The following SERPINE3 variants were observed in gnomAD, a reference collection of about 807,000 sequenced individuals.
The protein encoded by SERPINE3 is serpin E3.
A neutral mutation model predicts 41.7 loss-of-function variants in SERPINE3; 43 were observed. The ratio of observed to expected loss-of-function variants is 1.03; its 90% confidence interval spans 0.81 to 1.33. The LOEUF (loss-of-function observed/expected upper bound fraction) is 1.33, where lower values mean the gene tolerates loss of function less well. Among genes scored for constraint, SERPINE3 ranks in the 40% most tolerant of loss-of-function variants. SERPINE3 has a pLI of 0.00. For missense variants in SERPINE3, 440 were observed against 491.7 expected, an observed-to-expected ratio of 0.89 and a Z score of 0.99; for synonymous variants, 200 against 192.2, an observed-to-expected ratio of 1.04 and a Z score of -0.34.
At chr13:51,345,630 T>C in intron 4 of SERPINE3, among the ~76,000 whole-genome samples, 1 of 142,064 alleles carries the variant, frequency 7.0e-6, no homozygotes, top group African/African-American at 2.6e-5. Flanking sequence ...GAATAGGAAG[T>C]GATATGTATA....
intron 5 of SERPINE3, 63 bp downstream of exon 5, chr13:51,347,297 G>C (rs1258459411): frequency 1.4e-6 from 2 of 1,405,024 alleles, no homozygotes; most frequent in Non-Finnish European, 2.0e-6. Flanking sequence ...GGGCAGGAGA[G>C]AGGAGGCCAG....
Position 51,348,229 on chromosome 13 carries a change from T to C in SERPINE3, c.717T>C (p.Thr239=). The C allele has an allele frequency of 6.3e-7, 1 of 1,593,614 alleles. No homozygotes were observed. The highest frequency in any genetic ancestry group is 8.5e-7 in the Non-Finnish European group (1 of 1,169,778). ...TEVNYGQFQD[T]AGHQVGVLEL... The stretch of plus-strand genomic sequence containing the variant: ...TACCCTCAGGTCAGTTCCAGGACAC[T>C]GCAGGCCATCAGGTGGGGGTGCTGG... The change falls in exon 6 of 10, where the codon ACT becomes ACC. Residue 239 remains threonine (T), a synonymous_variant. Coordinates refer to ENST00000681248, the MANE Select transcript of SERPINE3 (RefSeq NM_001386375.1).
intron 5 of SERPINE3, among the ~76,000 whole-genome samples, chr13:51,347,929 C>T (rs1401358033): frequency 2.6e-5 from 4 of 151,106 alleles, no homozygotes; most frequent in Admixed American, 2.6e-4. Context: ...GGGGGCACTA[C>T]TCTATGTGGT....
chr13:51,346,480 G>A (rs1036836607), intron 4 of SERPINE3, among the ~76,000 whole-genome samples: 2 of 152,184 alleles, frequency 1.3e-5, no homozygotes, highest in Non-Finnish European at 2.9e-5. Context: ...AAAAAGCAGG[G>A]TCTTCAGCAA....
chr13:51,341,027 C>G, intron 2 of SERPINE3, 48 bp from the exon 3 acceptor site: 1 of 1,570,828 alleles, frequency 6.4e-7, no homozygotes, highest in South Asian at 1.2e-5. Context: ...GGCCCTCTTT[C>G]ATCACCAGCT....
At chr13:51,360,192 A>C (rs1293133385) in intron 7 of SERPINE3, among the ~76,000 whole-genome samples, 2 of 152,084 alleles carry the variant, frequency 1.3e-5, no homozygotes, top group Non-Finnish European at 2.9e-5. Flanking sequence ...GTCTAAGATG[A>C]AACAAAGCTC....
chr13:51,346,906 AAGCAAAAAGACCTGC>A (rs1257745542), intron 4 of SERPINE3, 104 bp from the exon 5 acceptor site: 1 of 686,108 alleles, frequency 1.5e-6, no homozygotes, highest in African/African-American at 1.8e-5. Context: ...AGACCACCTT[AAGCAAAAAGACCTGC>A]ATTTTCGCAT....
chr13:51,350,328 C>T (rs1232008287), intron 6 of SERPINE3, among the ~76,000 whole-genome samples: 1 of 152,002 alleles, frequency 6.6e-6, no homozygotes, highest in African/African-American at 2.4e-5. Context: ...ATGAGGGACG[C>T]TTAGCATACT....
chr13:51,348,574 T>C (rs1439636550), intron 6 of SERPINE3, 163 bp downstream of exon 6: 4 of 608,770 alleles, frequency 6.6e-6, no homozygotes, highest in Non-Finnish European at 1.2e-5. Context: ...ACCCTAGAGT[T>C]TGAGTTCATT....
chr13:51,344,819 T>A (rs1405666762), intron 4 of SERPINE3, among the ~76,000 whole-genome samples: 3 of 152,214 alleles, frequency 2.0e-5, no homozygotes, highest in Non-Finnish European at 2.9e-5. Context: ...GTCCCCCGAC[T>A]GAGCTCTGCT....
chr13:51,356,560 C>T (rs2137810446), intron 7 of SERPINE3, among the ~76,000 whole-genome samples: 1 of 152,196 alleles, frequency 6.6e-6, no homozygotes, highest in East Asian at 1.9e-4. Context: ...TTCCGTGAAT[C>T]ACTAGGGCTT....
At chr13:51,348,129 G>A (rs1009375815) in intron 5 of SERPINE3, 84 bp from the exon 6 acceptor site, 45 of 1,083,188 alleles carry the variant, frequency 4.2e-5, no homozygotes, top group Middle Eastern at 2.2e-4. Flanking sequence ...CCAGTCCTCT[G>A]AGCCAGCCTC....
chr13:51,353,591 G>A (rs1405073377), intron 6 of SERPINE3, among the ~76,000 whole-genome samples: 1 of 152,152 alleles, frequency 6.6e-6, no homozygotes, highest in Non-Finnish European at 1.5e-5. Context: ...TTTTCAAAAA[G>A]GATGTGTTTT....
intron 5 of SERPINE3, among the ~76,000 whole-genome samples, chr13:51,347,954 C>T (rs528449991): frequency 4.3e-4 from 60 of 138,526 alleles, no homozygotes; most frequent in African/African-American, 1.4e-3. Flanking sequence ...CATGTGCCAT[C>T]GTCCCCCCCC....
At chr13:51,350,509 A>ATATATATATATATTTTAAGAAG (rs1955394037) in intron 6 of SERPINE3, among the ~76,000 whole-genome samples, 1 of 152,176 alleles carries the variant, frequency 6.6e-6, no homozygotes, top group Non-Finnish European at 1.5e-5. Flanking sequence ...TATTAGATAT[A>ATATATATATATATTTTAAGAAG]ATATATATCT....
At chr13:51,361,182 T>A (rs1299984801) in intron 7 of SERPINE3, 96 bp from the exon 8 acceptor site, 2 of 819,616 alleles carry the variant, frequency 2.4e-6, no homozygotes, top group East Asian at 5.4e-5. Context: ...CATTGGATAC[T>A]ATAAATTTTG....
chr13:51,354,139 A>G (rs950647105), intron 6 of SERPINE3: 1 of 152,174 alleles, frequency 6.6e-6, no homozygotes, highest in Admixed American at 6.5e-5. Flanking sequence ...TTAATTGTCA[A>G]TAAGGCAATT....
At position 51,361,385 on chromosome 13, in the gene SERPINE3, G is replaced by A. The variant is rs370404675; in HGVS notation, c.1087+21G>A. ...CACAGGTATGTTCAGAGAATACCCA[G>A]TCACACTGCTTACCCATATCTACCT... On this transcript the variant is annotated intron_variant, in intron 8 of 9. Transcript: ENST00000681248. 6 of 1,438,700 alleles carry A rather than the reference G, an allele frequency of 4.2e-6. No individual in the cohort carries two copies. The African/African-American group carries it at 4.2e-5, about 10-fold the overall frequency. 89.1% of individuals were successfully genotyped at this position (1,438,700 alleles called of 1,614,324 possible). A position where few individuals can be genotyped will look rare whatever the true frequency, so the allele number is the denominator to read the frequency against.
chr13:51,345,549 T>C (rs1955337634), intron 4 of SERPINE3, among the ~76,000 whole-genome samples: 1 of 133,040 alleles, frequency 7.5e-6, no homozygotes, highest in Non-Finnish European at 1.5e-5. Flanking sequence ...GAGCTGAGAC[T>C]GCGTCACTGC....
Sources: gnomAD v4.1 joint callset for allele counts (sites outside exome capture counted in the v4.1 genomes callset) on GRCh38, gnomAD v4.1.1 for gene constraint, MANE v1.5 for transcripts, NCBI Gene and HGNC (gene_info 2026-07-23, HGNC 2026-07-21) for gene names.